MAP1B: variants seen among roughly 807,000 people sequenced by gnomAD.
MAP1B encodes the protein microtubule-associated protein 1B.
A neutral mutation model predicts 176.1 loss-of-function variants in MAP1B; 12 were observed. The ratio of observed to expected loss-of-function variants is 0.07; its 90% CI spans 0.04 to 0.11. The LOEUF (loss-of-function observed/expected upper bound fraction) is 0.11. MAP1B is among the 10% of genes least tolerant of loss of function. The pLI is 1.00. For missense variants in MAP1B, 2,523 were observed against 2,990.5 expected, an observed-to-expected ratio of 0.84 and a Z score of 3.65; for synonymous variants, 1,044 against 1,135.0, an observed-to-expected ratio of 0.92 and a Z score of 1.61.
At chr5:72,132,585 A>C (rs930766483) in intron 2 of MAP1B, among the ~76,000 whole-genome samples, 27 of 152,210 alleles carry the variant, frequency 1.8e-4, no homozygotes, top group African/African-American at 5.3e-4. Context: ...ATGCAGATTT[A>C]AATTCTGCTA....
chr5:72,129,475 T>C (rs764443231), intron 2 of MAP1B, among the ~76,000 whole-genome samples: 1 of 152,010 alleles, frequency 6.6e-6, no homozygotes, highest in Non-Finnish European at 1.5e-5. Context: ...GAAAATCTCT[T>C]GAACCTGGGA....
At chr5:72,175,737 C>T (rs1201628001) in intron 2 of MAP1B, among the ~76,000 whole-genome samples, 1 of 152,128 alleles carries the variant, frequency 6.6e-6, no homozygotes, top group African/African-American at 2.4e-5. Context: ...GAGAATCCTG[C>T]ACATGGAAAA....
At chr5:72,182,549 C>G (rs1746793356) in intron 2 of MAP1B, among the ~76,000 whole-genome samples, 1 of 152,220 alleles carries the variant, frequency 6.6e-6, no homozygotes, top group Non-Finnish European at 1.5e-5. Flanking sequence ...ATACAAGCAT[C>G]TGTTCGGGTT....
chr5:72,158,912 C>G (rs1746278266), intron 2 of MAP1B, among the ~76,000 whole-genome samples: 1 of 152,134 alleles, frequency 6.6e-6, no homozygotes, highest in African/African-American at 2.4e-5. Context: ...GCAACATGGC[C>G]TAATCACTAG....
rs1216149261 is a variant in MAP1B, at chr5:72,196,122, A to G, written c.2767A>G (p.Ile923Val). ...CGTCGAGAAGCAGGGAGTAGACGAC[A>G]TTGAAAAATTTGAAGATGAAGGAGC... ...EPVEKQGVDD[I>V]EKFEDEGAGF... Residue 923 changes from isoleucine (I) to valine (V), a missense_variant, in exon 5 of 7, where the codon ATT becomes GTT. Physicochemically the swap from Ile to Val is conservative, Grantham distance 29. Transcript: ENST00000296755. The surrounding 1 kb of genome is among the most constrained non-coding windows in gnomAD (Gnocchi z 5.3). The G allele has an allele frequency of 5.6e-6, 9 of 1,613,840 alleles. No individual in the cohort carries two copies. Among genetic ancestry groups the G allele is most frequent in the Non-Finnish European group, 6.8e-6 (8 of 1,179,962 alleles).
intron 2 of MAP1B, among the ~76,000 whole-genome samples, chr5:72,134,330 T>C (rs533949003): frequency 2.0e-3 from 311 of 152,328 alleles, no homozygotes; most frequent in African/African-American, 7.1e-3. Context: ...CCATTGTATT[T>C]CCAAGGAGGG....
chr5:72,159,040 T>C (rs530224048), intron 2 of MAP1B, among the ~76,000 whole-genome samples: 253 of 152,240 alleles, frequency 1.7e-3, no homozygotes, highest in African/African-American at 5.8e-3. Context: ...CCATGTACGA[T>C]TGAGGAACCT....
intron 1 of MAP1B, among the ~76,000 whole-genome samples, chr5:72,109,277 A>C (rs1745259387): frequency 6.6e-6 from 1 of 151,982 alleles, no homozygotes; most frequent in Non-Finnish European, 1.5e-5. Flanking sequence ...AAGTCATAGT[A>C]TTTTATTCCA....
intron 2 of MAP1B, among the ~76,000 whole-genome samples, chr5:72,137,257 C>T (rs1170241119): frequency 6.6e-6 from 1 of 152,158 alleles, no homozygotes; most frequent in Non-Finnish European, 1.5e-5. Flanking sequence ...ATTCAATGAC[C>T]TATTGGCCCT....
At chr5:72,181,946 G>A (rs1196026314) in intron 2 of MAP1B, among the ~76,000 whole-genome samples, 4 of 150,824 alleles carry the variant, frequency 2.7e-5, no homozygotes, top group East Asian at 1.9e-4. Flanking sequence ...GACTGGTCTC[G>A]AACTCCTGAC....
At chr5:72,193,731 A>C in intron 4 of MAP1B, 135 bp from the exon 5 acceptor site, 2 of 945,232 alleles carry the variant, frequency 2.1e-6, no homozygotes, top group Non-Finnish European at 3.1e-6. Context: ...CAACATCACT[A>C]TGAGAGTGCA....
Position 72,195,273 on chromosome 5 carries a change from A to C in MAP1B, c.1918A>C (p.Lys640Gln), listed in dbSNP as rs1289253482. ...AGCTGCCAAGGAGAAGACGGTGAAA[A>C]AGGAAACAAAGGTAAAGCCTGAAGA... ...PKAAKEKTVK[K>Q]ETKVKPEDKK... The change falls in exon 5 of 7, where the codon AAG (lysine) becomes CAG (glutamine). Residue 640 changes from lysine (K) to glutamine (Q), a missense_variant. Physicochemically the swap from Lys to Gln is moderately conservative, Grantham distance 53 (BLOSUM62 1). This residue lies in a region of MAP1B where 1,925 missense variants were observed against 2,126.0 expected (regional missense o/e 0.91). Transcript: ENST00000296755. The C allele has an allele frequency of 6.2e-7, 1 of 1,613,758 alleles. No individual in the cohort carries two copies. The highest frequency in any genetic ancestry group is 2.2e-5 in the East Asian group (1 of 44,822).
At chr5:72,158,152 G>T (rs1195039842) in intron 2 of MAP1B, among the ~76,000 whole-genome samples, 1 of 151,828 alleles carries the variant, frequency 6.6e-6, no homozygotes, top group Non-Finnish European at 1.5e-5. Flanking sequence ...GGGACTTCAG[G>T]TGCCTGCCAC....
At chr5:72,109,184 A>C (rs1745252114) in intron 1 of MAP1B, among the ~76,000 whole-genome samples, 1 of 152,194 alleles carries the variant, frequency 6.6e-6, no homozygotes, top group Non-Finnish European at 1.5e-5. Flanking sequence ...CTGGAGTTGC[A>C]GACCTGGTTC....
intron 2 of MAP1B, among the ~76,000 whole-genome samples, chr5:72,131,877 C>T (rs1448912432): frequency 6.6e-5 from 10 of 152,192 alleles, no homozygotes; most frequent in Admixed American, 1.3e-4. Flanking sequence ...GCCAACAGTA[C>T]GCAGCCTTCT....
At position 72,195,701 on chromosome 5, in the gene MAP1B, A is replaced by C. The variant is rs1168950069; in HGVS notation, c.2346A>C (p.Ile782=). The C allele has an allele frequency of 1.2e-6, 2 of 1,614,112 alleles. No homozygotes were observed. The highest frequency in any genetic ancestry group is 1.3e-5 in the African/African-American group (1 of 74,944). Residue 782 remains isoleucine (I), a synonymous_variant, in exon 5 of 7, where the codon ATA becomes ATC. Transcript: ENST00000296755. ...GAAAGCCAAAGGAGAAGGGGAAAAT[A>C]AAAGTCATTAAGAAGGAAGGCAAGG... The part of the protein sequence containing the change: ...AAGKPKEKGK[I]KVIKKEGKAA...
intron 2 of MAP1B, among the ~76,000 whole-genome samples, chr5:72,153,602 TGTGGTG>T (rs375480901): frequency 6.6e-6 from 1 of 151,396 alleles, no homozygotes; most frequent in Non-Finnish European, 1.5e-5. Context: ...ATATGTGGCG[TGTGGTG>T]GTGGTGGTGG....
chr5:72,155,235 G>A (rs1277262584), intron 2 of MAP1B, among the ~76,000 whole-genome samples: 2 of 152,170 alleles, frequency 1.3e-5, no homozygotes, highest in Non-Finnish European at 2.9e-5. Context: ...TCCCCCCAGA[G>A]TACTGTATAG....
chr5:72,107,791 C>T (rs1290384422), intron 1 of MAP1B, 76 bp downstream of exon 1: 1 of 1,489,330 alleles, frequency 6.7e-7, no homozygotes, highest in Non-Finnish European at 9.1e-7. Flanking sequence ...GCGACGGTCA[C>T]TGCGCTCCTC....
Sources: allele counts gnomAD v4.1 joint callset (sites outside exome capture counted in the v4.1 genomes callset), GRCh38; gene constraint gnomAD v4.1.1; regional missense constraint gnomAD v4.1.1; non-coding constraint Gnocchi (gnomAD v3.1); transcripts MANE v1.5; gene names NCBI Gene and HGNC (gene_info 2026-07-23, HGNC 2026-07-21).